FAT2: variants seen among roughly 807,000 people sequenced by gnomAD.
FAT2 encodes the protein FAT atypical cadherin 2.
FAT2 carries 150 observed loss-of-function variants against 295.3 expected under a neutral mutation model. The observed-to-expected ratio is 0.51, with a 90% CI of 0.44 to 0.58. The LOEUF (loss-of-function observed/expected upper bound fraction) is 0.58. Ranked by LOEUF, FAT2 falls within the 20% of genes least tolerant of loss-of-function variation. FAT2 has a pLI of 0.00. For missense variants in FAT2, 4,868 were observed against 5,442.7 expected, an observed-to-expected ratio of 0.89 and a Z score of 3.32; for synonymous variants, 2,026 against 2,150.3, an observed-to-expected ratio of 0.94 and a Z score of 1.60.
chr5:151,568,707 A>C lies in FAT2; in HGVS notation c.225T>G (p.Ser75=). The part of the protein sequence containing the change: ...PQWAVRYRII[S]GDVANVFKTE... ...TTTTAAATACATTGGCCACATCCCC[A>C]GAGATGATCCGGTACCTCACTGCCC... Residue 75 remains serine (S), a synonymous_variant, in exon 2 of 24, where the codon TCT becomes TCG. Transcript: ENST00000261800. 6.2e-7 allele frequency: 1 copy of C among 1,614,190 alleles called. No individual in the cohort carries two copies. Among genetic ancestry groups the C allele is most frequent in the Non-Finnish European group, 8.5e-7 (1 of 1,180,030 alleles).
At position 151,554,584 on chromosome 5, in the gene FAT2, T is replaced by C. The variant is rs1757521216; in HGVS notation, c.3723A>G (p.Ile1241Met). ...GGACATTGAAGAGCTTGTGGGAGAA[T>C]ATAGGTGGATTGTCATTGACGTCCA... ...GILDVNDNPPIFSHKLFNVRL... is the reference protein window; with the variant it reads ...GILDVNDNPPMFSHKLFNVRL... The change falls in exon 5 of 24, where the codon ATA (isoleucine) becomes ATG (methionine). Residue 1241 changes from isoleucine (I) to methionine (M), a missense_variant. By Grantham distance (10) the Ile-to-Met change is conservative (BLOSUM62 1). Around this residue, in one of 5 missense-constraint regions of FAT2, gnomAD observed 3,297 missense variants for 3,669.4 expected, o/e 0.90. Coordinates refer to ENST00000261800, the MANE Select transcript of FAT2 (RefSeq NM_001447.3). 2 of 1,614,016 alleles carry C rather than the reference T, an allele frequency of 1.2e-6. No homozygotes were observed. Among genetic ancestry groups the C allele is most frequent in the Non-Finnish European group, 1.7e-6 (2 of 1,180,026 alleles).
chr5:151,579,669 A>G (rs1405389139), intron 1 of FAT2, among the ~76,000 whole-genome samples: 1 of 152,214 alleles, frequency 6.6e-6, no homozygotes, highest in Non-Finnish European at 1.5e-5. Context: ...CATTATCAAT[A>G]CATTATGTTG....
chr5:151,544,459 C>T lies in FAT2; in HGVS notation c.6668G>A (p.Gly2223Asp), dbSNP rs913265584. Residue 2223 changes from glycine (G) to aspartate (D), a missense_variant, in exon 10 of 24, where the codon GGT becomes GAT. By Grantham distance (94) the Gly-to-Asp change is moderately conservative. Transcript: ENST00000261800. ...LMLFTTDFKTGVLTVTGPLDY... is the reference protein window; with the variant it reads ...LMLFTTDFKTDVLTVTGPLDY... ...CAAAGGCCCTGTTACTGTTAGGACA[C>T]CAGTCTTGAAGTCAGTGGTGAACAG... 6.2e-7 allele frequency: 1 copy of T among 1,614,134 alleles called. No individual in the cohort carries two copies. The highest frequency in any genetic ancestry group is 1.1e-5 in the South Asian group (1 of 91,088).
At chr5:151,556,089 C>T (rs556212710) in intron 4 of FAT2, among the ~76,000 whole-genome samples, 30 of 152,284 alleles carry the variant, frequency 2.0e-4, no homozygotes, top group Admixed American at 4.6e-4. Context: ...TACTGCTCCC[C>T]TCTCCTTCAC....
chr5:151,522,517 C>G (rs1350825344), intron 18 of FAT2, among the ~76,000 whole-genome samples: 4 of 152,208 alleles, frequency 2.6e-5, no homozygotes, highest in African/African-American at 9.7e-5. Flanking sequence ...TTGGGATTCC[C>G]TTTTGCTATG....
intron 20 of FAT2, among the ~76,000 whole-genome samples, chr5:151,516,371 G>A (rs1274969546): frequency 6.6e-6 from 1 of 152,086 alleles, no homozygotes; most frequent in Non-Finnish European, 1.5e-5. Context: ...AAAAAAATTA[G>A]TGAGCGTGGT....
At chr5:151,557,578 G>A (rs1473241980) in intron 3 of FAT2, among the ~76,000 whole-genome samples, 1 of 152,212 alleles carries the variant, frequency 6.6e-6, no homozygotes, top group African/African-American at 2.4e-5. Context: ...CCCACTCAGA[G>A]AAAATGAGGC....
intron 6 of FAT2, among the ~76,000 whole-genome samples, 186 bp downstream of exon 6, chr5:151,552,991 C>T (rs954866458): frequency 6.6e-6 from 1 of 152,244 alleles, no homozygotes; most frequent in Non-Finnish European, 1.5e-5. Flanking sequence ...GCTTGGCAGA[C>T]GTGGCATTCT....
At chr5:151,587,709 G>T (rs886282830) in intron 1 of FAT2, among the ~76,000 whole-genome samples, 3 of 151,820 alleles carry the variant, frequency 2.0e-5, no homozygotes, top group African/African-American at 4.8e-5. Flanking sequence ...GAGTCTTTGG[G>T]GGCCTGACAC....
At chr5:151,555,953 G>T (rs944106092) in intron 4 of FAT2, among the ~76,000 whole-genome samples, 32 of 152,200 alleles carry the variant, frequency 2.1e-4, no homozygotes, top group African/African-American at 7.0e-4. Flanking sequence ...AAAGAGCACA[G>T]ATCTAGAAGA....
rs966680529 is a variant in FAT2 at position 151,580,460 on chromosome 5, G to C, written c.-21+10705C>G. Among the ~76,000 whole-genome samples the C allele has an allele frequency of 4.6e-5, 7 of 152,226 alleles. No individual in the cohort carries two copies. In the East Asian group the frequency reaches 1.3e-3, roughly 29 times the overall value. ...GCCAGTCAGGCAGAAGGTCGCTAAT[G>C]GGTGGTTGTTATTACCATTGCAGTA... On this transcript the variant is annotated intron_variant, in intron 1 of 23. Transcript: ENST00000261800.
chr5:151,594,506 C>T (rs1759514733), upstream of FAT2, among the ~76,000 whole-genome samples: 1 of 152,206 alleles, frequency 6.6e-6, no homozygotes. Context: ...CCTCAGCGTC[C>T]CTCTTTCAAT....
chr5:151,516,257 C>G (rs1752851845), intron 20 of FAT2, among the ~76,000 whole-genome samples: 1 of 152,198 alleles, frequency 6.6e-6, no homozygotes, highest in Non-Finnish European at 1.5e-5. Flanking sequence ...TGCCTATAAT[C>G]CCAGCACTTT....
intron 1 of FAT2, among the ~76,000 whole-genome samples, chr5:151,573,922 C>T (rs549495489): frequency 6.6e-6 from 1 of 152,260 alleles, no homozygotes; most frequent in Admixed American, 6.5e-5. Context: ...GGAATCCAAG[C>T]AGAATCTGGG....
chr5:151,592,905 A>G (rs1259327639), upstream of FAT2, among the ~76,000 whole-genome samples: 1 of 152,146 alleles, frequency 6.6e-6, no homozygotes, highest in East Asian at 1.9e-4. Flanking sequence ...CCTGGCTCTC[A>G]GTGAGATGTT....
At chr5:151,527,432 GC>G (rs1561830504) in intron 16 of FAT2, 55 bp from the exon 17 acceptor site, 1 of 1,490,476 alleles carries the variant, frequency 6.7e-7, no homozygotes, top group Non-Finnish European at 9.0e-7. Flanking sequence ...CCTCACTTCT[GC>G]CCCCTGAGTC....
intron 16 of FAT2, 132 bp from the exon 17 acceptor site, chr5:151,527,509 C>G (rs1285969793): frequency 2.5e-6 from 2 of 807,140 alleles, no homozygotes; most frequent in African/African-American, 3.5e-5. Flanking sequence ...ACTGCCCACC[C>G]GTAGCATTTT....
rs766377285 is a variant in FAT2 at position 151,540,754 on chromosome 5, G to C, written c.8852C>G (p.Pro2951Arg). 3.1e-6 allele frequency: 5 copies of C among 1,613,714 alleles called. 1 individual carries two copies. The highest frequency in any genetic ancestry group is 2.2e-5 in the South Asian group (2 of 91,016). ...TTGGCTGATGCCAAACTGGCCCAGG[G>C]GGTCTCCCTCTAAACAGATGGGGCA... The part of the protein sequence containing the change: ...QVTCYITEGD[P>R]LGQFGISQVG... The change falls in exon 11 of 24, where the codon CCC becomes CGC. Residue 2951 changes from proline (P) to arginine (R), a missense_variant. Transcript: ENST00000261800.
chr5:151,540,848 A>G (rs893906672), intron 10 of FAT2, 85 bp from the exon 11 acceptor site: 12 of 1,220,456 alleles, frequency 9.8e-6, no homozygotes, highest in Non-Finnish European at 1.4e-5. Context: ...CATTGGATGC[A>G]TTTTTTAGAA....
Sources: gnomAD v4.1 joint callset for allele counts (sites outside exome capture counted in the v4.1 genomes callset) on GRCh38, gnomAD v4.1.1 for gene constraint, gnomAD v4.1.1 regional missense constraint, MANE v1.5 for transcripts, NCBI Gene and HGNC (gene_info 2026-07-23, HGNC 2026-07-21) for gene names.